Variants in SPATA9 observed in about 807,000 individuals in gnomAD.
SPATA9 encodes the protein spermatogenesis-associated protein 9.
Under a neutral mutation model 25.5 loss-of-function variants are expected in SPATA9, and 27 were observed. The ratio of observed to expected loss-of-function variants is 1.06; its 90% confidence interval spans 0.78 to 1.46. The LOEUF is 1.46. Ranked by LOEUF, SPATA9 falls within the 40% of genes most tolerant of loss-of-function variation. The probability of loss-of-function intolerance (pLI) is 0.00; values close to 1 mark genes in which losing one functional copy is unlikely to be tolerated. For missense variants in SPATA9, 282 were observed against 297.5 expected (o/e 0.95, Z 0.38); for synonymous variants, 102 against 105.7 (o/e 0.97, Z 0.21).
chr5:95,665,060 C>T (rs1017753328), intron 3 of SPATA9, among the ~76,000 whole-genome samples: 1 of 151,866 alleles, frequency 6.6e-6, no homozygotes, highest in Non-Finnish European at 1.5e-5. Context: ...TTTTTCAAAC[C>T]TTTTATGTAT....
At chr5:95,654,362 A>G (rs748385964), downstream of SPATA9, 2 of 1,591,376 alleles carry the variant, frequency 1.3e-6, no homozygotes, top group South Asian at 2.3e-5. Flanking sequence ...TTTGGGAGAT[A>G]TAGAGGTATG....
At chr5:95,704,806 G>C in the SPATA9 span, among the ~76,000 whole-genome samples, 1 of 152,158 alleles carries the variant, frequency 6.6e-6, no homozygotes, top group Non-Finnish European at 1.5e-5. Context: ...CCTTTTCCAA[G>C]ATGGTGCCTT....
In SPATA9 at chr5:95,672,964, T is replaced by C. The variant is rs577739841; in HGVS notation, c.378+2448A>G. On this transcript the variant is annotated intron_variant, in intron 3 of 4. Transcript: ENST00000274432. ...TTGAATAGCAAACAGCCTTGCAAAG[T>C]AGAAAAAGTATATCCTTCTAGAGAG... Among the ~76,000 whole-genome samples, 5 of 152,310 alleles carry C rather than the reference T, an allele frequency of 3.3e-5. No individual in the cohort carries two copies. In the East Asian group the frequency reaches 9.6e-4, roughly 29 times the overall value.
the SPATA9 span, among the ~76,000 whole-genome samples, chr5:95,705,587 G>T: frequency 3.9e-5 from 6 of 152,192 alleles, 1 homozygote; most frequent in East Asian, 1.2e-3. Context: ...TGTGTATGAA[G>T]TACACTCCTC....
the SPATA9 span, among the ~76,000 whole-genome samples, chr5:95,709,495 C>T: frequency 6.6e-6 from 1 of 151,968 alleles, no homozygotes; most frequent in African/African-American, 2.4e-5. Flanking sequence ...TTCTACCTGC[C>T]CAGAGCTCTG....
At chr5:95,713,362 G>T in the SPATA9 span, among the ~76,000 whole-genome samples, 1 of 151,990 alleles carries the variant, frequency 6.6e-6, no homozygotes, top group African/African-American at 2.4e-5. Context: ...CCCGGTGGGA[G>T]GTGATTGGAT....
chr5:95,726,240 G>A, the SPATA9 span, among the ~76,000 whole-genome samples: 6 of 152,088 alleles, frequency 3.9e-5, no homozygotes, highest in South Asian at 2.1e-4. Flanking sequence ...TTCCATTTGC[G>A]TTCTATGTAT....
rs574926910 is a variant in SPATA9, at chr5:95,697,646, C to T, written n.124+942G>A. On this transcript the variant is annotated intron_variant and non_coding_transcript_variant, in intron 1 of 2. Coordinates refer to the SPATA9 transcript ENST00000379990. ...GAATGTGTAGCCACAGCTACAAAAC[C>T]ACCACAAATTGTCAAGCTCATCATT... 6.8e-4 allele frequency among the ~76,000 whole-genome samples: 103 copies of T among 152,296 alleles called. 2 individuals carry two copies. In the Middle Eastern group the frequency reaches 0.01, roughly 15 times the overall value.
downstream of SPATA9, chr5:95,655,511 G>T (rs999115803): frequency 6.6e-6 from 1 of 152,664 alleles, no homozygotes; most frequent in Non-Finnish European, 1.5e-5. Context: ...TTTAAACAGA[G>T]AGACATGCAT....
At chr5:95,724,195 G>A in the SPATA9 span, among the ~76,000 whole-genome samples, 1 of 152,098 alleles carries the variant, frequency 6.6e-6, no homozygotes, top group African/African-American at 2.4e-5. Flanking sequence ...TTATTTAAAG[G>A]CTCTCTGAAA....
chr5:95,671,600 G>A (rs1225703670), intron 3 of SPATA9, among the ~76,000 whole-genome samples: 1 of 152,106 alleles, frequency 6.6e-6, no homozygotes, highest in African/African-American at 2.4e-5. Context: ...AGTAGAGACA[G>A]GGTTTCACCA....
At chr5:95,654,228 G>A (rs1165899008), downstream of SPATA9, 11 of 1,611,176 alleles carry the variant, frequency 6.8e-6, no homozygotes, top group South Asian at 5.5e-5. Context: ...ATGGATATTC[G>A]CTGTTACCGT....
intron 3 of SPATA9, among the ~76,000 whole-genome samples, chr5:95,674,535 A>T (rs1043620073): frequency 6.6e-6 from 1 of 152,156 alleles, no homozygotes; most frequent in South Asian, 2.1e-4. Context: ...TTCTGCTGGA[A>T]TTGAACCTGG....
chr5:95,729,194 T>C, the SPATA9 span, among the ~76,000 whole-genome samples: 1 of 152,194 alleles, frequency 6.6e-6, no homozygotes, highest in African/African-American at 2.4e-5. Flanking sequence ...TAAACTGGCT[T>C]TCACTTTATG....
At chr5:95,672,633 AAGATAGTCACAGTTAAC>A (rs1752510992) in intron 3 of SPATA9, among the ~76,000 whole-genome samples, 2 of 152,216 alleles carry the variant, frequency 1.3e-5, no homozygotes, top group African/African-American at 4.8e-5. Context: ...AATGTCAGAA[AAGATAGTCACAGTTAAC>A]ATCCTGACCT....
the SPATA9 span, among the ~76,000 whole-genome samples, chr5:95,714,072 T>A: frequency 6.6e-6 from 1 of 152,194 alleles, no homozygotes; most frequent in East Asian, 1.9e-4. Flanking sequence ...TCTATTTTAT[T>A]TTTCTTTTAT....
downstream of SPATA9, chr5:95,652,453 C>A: frequency 8.0e-7 from 1 of 1,256,372 alleles, no homozygotes; most frequent in Non-Finnish European, 1.1e-6. Flanking sequence ...TCTGAGATAC[C>A]TTAAACTCAA....
chr5:95,667,318 G>A (rs373258731), intron 3 of SPATA9, among the ~76,000 whole-genome samples: 2 of 151,472 alleles, frequency 1.3e-5, no homozygotes, highest in East Asian at 1.9e-4. Flanking sequence ...CTAAGAGTGG[G>A]GGGGTGGGGG....
rs889721577 is a variant in SPATA9 at position 95,670,241 on chromosome 5, A to C, written c.378+5171T>G. On this transcript the variant is annotated intron_variant, in intron 3 of 4. Coordinates refer to ENST00000274432, the MANE Select transcript of SPATA9 (RefSeq NM_031952.4). ...ATTCTTCACCTTGAGAAGAACATTA[A>C]TGGATGCTGCATTTCAGAGCTCCCC... 2.0e-5 allele frequency: 3 copies of C among 152,300 alleles called. No homozygotes were observed. In the East Asian group the frequency reaches 5.8e-4, roughly 29 times the overall value. The allele number at this position is 152,300 out of a possible 1,614,324, so 9.4% of individuals were successfully genotyped here.
Sources: allele counts gnomAD v4.1 joint callset (sites outside exome capture counted in the v4.1 genomes callset), GRCh38; gene constraint gnomAD v4.1.1; transcripts MANE v1.5; gene names NCBI Gene and HGNC (gene_info 2026-07-23, HGNC 2026-07-21).